The following DSCAML1 variants were observed in gnomAD, a reference collection of about 807,000 sequenced individuals.
DSCAML1 encodes the protein DS cell adhesion molecule like 1.
In DSCAML1, 38 loss-of-function variants were observed where a neutral mutation model predicts 200.5. That is an observed-to-expected ratio of 0.19 (90% CI 0.15 to 0.25). The LOEUF is 0.25. DSCAML1 is among the 10% of genes least tolerant of loss of function. The pLI is 1.00. For synonymous variants in DSCAML1, 1,215 were observed against 1,165.0 expected (o/e 1.04, Z -0.87); for missense variants, 2,223 against 2,858.8 (o/e 0.78, Z 5.07).
At chr11:117,787,331 C>T (rs1261832178) in intron 1 of DSCAML1, among the ~76,000 whole-genome samples, 1 of 152,230 alleles carries the variant, frequency 6.6e-6, no homozygotes, top group African/African-American at 2.4e-5. Context: ...GCTGTTGTTA[C>T]AAGCATTATC....
At chr11:117,600,387 C>A (rs1218623746) in intron 3 of DSCAML1, among the ~76,000 whole-genome samples, 3 of 152,140 alleles carry the variant, frequency 2.0e-5, no homozygotes, top group Non-Finnish European at 4.4e-5. Context: ...AAGGGATTTA[C>A]GGTTGTAGAG....
rs1038644761 is a variant in DSCAML1 at position 117,503,345 on chromosome 11, G to C, written c.2359+500C>G. Among the ~76,000 whole-genome samples the C allele has an allele frequency of 5.3e-5, 8 of 152,186 alleles. No individual in the cohort carries two copies. Among genetic ancestry groups the C allele is most frequent in the Non-Finnish European group, 1.0e-4 (7 of 68,022 alleles). ...GTACAGGTGAGGAAACTGGAGCACA[G>C]GGAGGGGGAGTGACTCGCCCAAGGT... On this transcript the variant is annotated intron_variant, in intron 11 of 32. Transcript: ENST00000651296. The surrounding 1 kb of genome is among the most constrained non-coding windows in gnomAD (Gnocchi z 5.2).
intron 3 of DSCAML1, among the ~76,000 whole-genome samples, chr11:117,535,626 G>T (rs2050154757): frequency 6.6e-6 from 1 of 152,186 alleles, no homozygotes; most frequent in Non-Finnish European, 1.5e-5. Context: ...TCTCCATGTT[G>T]TGACATCCCA....
At chr11:117,578,271 A>G (rs2050985183) in intron 3 of DSCAML1, among the ~76,000 whole-genome samples, 1 of 148,012 alleles carries the variant, frequency 6.8e-6, no homozygotes, top group South Asian at 2.1e-4. Flanking sequence ...AAAAATCTGA[A>G]CTTCTCTTGG....
At chr11:117,466,759 C>T (rs1344426123) in intron 16 of DSCAML1, among the ~76,000 whole-genome samples, 1 of 152,170 alleles carries the variant, frequency 6.6e-6, no homozygotes, top group African/African-American at 2.4e-5. Flanking sequence ...GATGAAAAAG[C>T]TCTGGAAGTG....
intron 3 of DSCAML1, among the ~76,000 whole-genome samples, chr11:117,759,509 T>C (rs1739551809): frequency 6.6e-6 from 1 of 152,126 alleles, no homozygotes; most frequent in South Asian, 2.1e-4. Context: ...CTCTCAAGTT[T>C]CCCTATTGGC....
rs189806792 is a variant in DSCAML1 at position 117,632,369 on chromosome 11, T to C, written c.512-99847A>G. Among the ~76,000 whole-genome samples the C allele has an allele frequency of 1.2e-3, 186 of 152,294 alleles. 2 individuals carry two copies. The highest frequency in any genetic ancestry group is 3.2e-4 in the Non-Finnish European group (22 of 68,024). ...GCAAGAATCAGCTCCCTCTGACCCT[T>C]ACCTTGACACTAGCTCAGCTTTCCC... On this transcript the variant is annotated intron_variant, in intron 3 of 32. Transcript: ENST00000651296.
chr11:117,738,803 C>G (rs1323863821), intron 3 of DSCAML1, among the ~76,000 whole-genome samples: 1 of 152,200 alleles, frequency 6.6e-6, no homozygotes, highest in Non-Finnish European at 1.5e-5. Flanking sequence ...AACTGTATCT[C>G]TATTTTGGAA....
chr11:117,722,079 C>T (rs1021766023), intron 3 of DSCAML1, among the ~76,000 whole-genome samples: 1 of 152,086 alleles, frequency 6.6e-6, no homozygotes, highest in Non-Finnish European at 1.5e-5. Context: ...GAGAATAGCA[C>T]AATGGGTTAC....
At chr11:117,789,426 A>G (rs1215427421) in intron 1 of DSCAML1, among the ~76,000 whole-genome samples, 1 of 152,128 alleles carries the variant, frequency 6.6e-6, no homozygotes, top group Admixed American at 6.5e-5. Flanking sequence ...TGAGGGACTT[A>G]AGAGATTATT....
chr11:117,789,970 T>C, intron 1 of DSCAML1, among the ~76,000 whole-genome samples: 1 of 152,066 alleles, frequency 6.6e-6, no homozygotes. Context: ...AGGGGACAGA[T>C]TCCACAGCCT....
chr11:117,648,045 G>A (rs1000855359), intron 3 of DSCAML1, among the ~76,000 whole-genome samples: 21 of 152,214 alleles, frequency 1.4e-4, no homozygotes, highest in African/African-American at 5.1e-4. Context: ...GTGCCAGTCA[G>A]CCCTGCATGG....
chr11:117,445,075 C>T (rs186565016), intron 20 of DSCAML1, among the ~76,000 whole-genome samples: 320 of 152,282 alleles, frequency 2.1e-3, no homozygotes, highest in African/African-American at 7.4e-3. Flanking sequence ...AGCACACACA[C>T]ATGTAGACGC....
chr11:117,732,860 A>T (rs79717125), intron 3 of DSCAML1, among the ~76,000 whole-genome samples: 1 of 152,062 alleles, frequency 6.6e-6, no homozygotes, highest in African/African-American at 2.4e-5. Flanking sequence ...GGAGGGCCAC[A>T]CTTTCTTTTT....
At chr11:117,488,121 CTCT>C (rs1464376098) in intron 11 of DSCAML1, among the ~76,000 whole-genome samples, 2 of 152,222 alleles carry the variant, frequency 1.3e-5, no homozygotes, top group East Asian at 1.9e-4. Context: ...TCCTCTTCCC[CTCT>C]TCTTCTGCCA....
At chr11:117,770,439 C>T (rs1180717883) in intron 3 of DSCAML1, among the ~76,000 whole-genome samples, 1 of 152,108 alleles carries the variant, frequency 6.6e-6, no homozygotes, top group Non-Finnish European at 1.5e-5. Flanking sequence ...ACAGAAGCAA[C>T]TCGGCATTAT....
chr11:117,542,385 G>A (rs2050289280), intron 3 of DSCAML1, among the ~76,000 whole-genome samples: 1 of 152,114 alleles, frequency 6.6e-6, no homozygotes. Flanking sequence ...ATGTAGTGCT[G>A]TGCTCTGAGG....
chr11:117,736,619 T>A (rs2054320410), intron 3 of DSCAML1, among the ~76,000 whole-genome samples: 1 of 152,278 alleles, frequency 6.6e-6, no homozygotes. Flanking sequence ...GCATCCTTGG[T>A]CTTGCCCTCT....
rs1214510394 is a variant in DSCAML1, at chr11:117,480,879, C to G, written c.2656+295G>C. On this transcript the variant is annotated intron_variant, in intron 13 of 32. Coordinates refer to ENST00000651296, the MANE Select transcript of DSCAML1 (RefSeq NM_020693.4). The surrounding 1 kb of genome is among the most constrained non-coding windows in gnomAD (Gnocchi z 4.1). ...CCAGCTTGACTTTCCCTTCCCACACCTGCTGCAGGGGCCTGGACCCAGGAA... is the reference window on the plus strand; with the variant it reads ...CCAGCTTGACTTTCCCTTCCCACACGTGCTGCAGGGGCCTGGACCCAGGAA... Among the ~76,000 whole-genome samples the G allele has an allele frequency of 4.6e-5, 7 of 152,208 alleles. No individual in the cohort carries two copies. The highest frequency in any genetic ancestry group is 1.4e-4 in the African/African-American group (6 of 41,440).
Sources: allele counts gnomAD v4.1 joint callset (sites outside exome capture counted in the v4.1 genomes callset), GRCh38; gene constraint gnomAD v4.1.1; non-coding constraint Gnocchi (gnomAD v3.1); transcripts MANE v1.5; gene names NCBI Gene and HGNC (gene_info 2026-07-23, HGNC 2026-07-21).